MYO16: variants seen among roughly 807,000 people sequenced by gnomAD.
MYO16 encodes the protein myosin XVI, also known as unconventional myosin-XVI.
MYO16 carries 94 observed loss-of-function variants against 205.3 expected under a neutral mutation model. That is an observed-to-expected ratio of 0.46 (90% CI 0.39 to 0.54). The LOEUF is 0.54. Among genes scored for constraint, MYO16 ranks in the 20% least tolerant of loss-of-function variants. The pLI, the probability that MYO16 is intolerant of heterozygous loss-of-function variation, is 0.00. For synonymous variants in MYO16, 988 were observed against 954.0 expected, an observed-to-expected ratio of 1.04 and a Z score of -0.66; for missense variants, 2,315 against 2,387.5, an observed-to-expected ratio of 0.97 and a Z score of 0.63.
At chr13:108,578,167 G>A in the MYO16 span, among the ~76,000 whole-genome samples, 49 of 152,136 alleles carry the variant, frequency 3.2e-4, no homozygotes, top group African/African-American at 1.1e-3. Context: ...ATATTTATTC[G>A]ACACATAAAA....
intron 2 of MYO16, among the ~76,000 whole-genome samples, chr13:108,707,060 G>A (rs80279383): frequency 0.023 from 3,426 of 152,226 alleles, 125 homozygotes; most frequent in African/African-American, 0.079. Flanking sequence ...TCCTGTGAGT[G>A]CATGTGGATC....
chr13:108,898,147 T>C lies in MYO16; in HGVS notation c.1777+14T>C, dbSNP rs370355598. 65 of 1,585,672 alleles carry C rather than the reference T, an allele frequency of 4.1e-5. No homozygotes were observed. The African/African-American group carries it at 8.3e-4, about 20-fold the overall frequency. On this transcript the variant is annotated intron_variant, in intron 15 of 34. Transcript: ENST00000457511. ...AGCTAACCGGAGGTAAGTGCAGTAT[T>C]TGACAACGTGGATTTCCTGTGCCGA...
At chr13:109,192,860 G>C (rs1358032207) in intron 34 of MYO16, among the ~76,000 whole-genome samples, 3 of 152,228 alleles carry the variant, frequency 2.0e-5, no homozygotes, top group East Asian at 1.9e-4. Context: ...ATGACATCCT[G>C]GGTAACCTAA....
At chr13:108,758,069 G>A (rs1885481354) in intron 4 of MYO16, among the ~76,000 whole-genome samples, 1 of 152,068 alleles carries the variant, frequency 6.6e-6, no homozygotes, top group African/African-American at 2.4e-5. Flanking sequence ...GAGCTAGCTG[G>A]CCCCTTCTGC....
intron 1 of MYO16, among the ~76,000 whole-genome samples, chr13:108,630,467 T>C (rs925646957): frequency 6.6e-6 from 1 of 152,220 alleles, no homozygotes; most frequent in African/African-American, 2.4e-5. Flanking sequence ...GGTTCTCTTT[T>C]GGGCTTATCA....
At chr13:109,096,333 G>T (rs556909314) in intron 27 of MYO16, among the ~76,000 whole-genome samples, 1 of 152,190 alleles carries the variant, frequency 6.6e-6, no homozygotes, top group South Asian at 2.1e-4. Flanking sequence ...TGTGTCTCCC[G>T]TGGCGTTTCC....
chr13:108,806,266 G>C (rs1450249348), intron 6 of MYO16, among the ~76,000 whole-genome samples: 1 of 152,136 alleles, frequency 6.6e-6, no homozygotes, highest in East Asian at 1.9e-4. Context: ...CCTGCTTTTA[G>C]TTATTCTTTG....
intron 1 of MYO16, among the ~76,000 whole-genome samples, chr13:108,647,459 G>A (rs557891451): frequency 1.3e-5 from 2 of 152,180 alleles, no homozygotes; most frequent in Non-Finnish European, 1.5e-5. Flanking sequence ...TCTCAGAAAT[G>A]TGGAGATTCC....
At chr13:109,037,346 T>C (rs1331593254) in intron 23 of MYO16, among the ~76,000 whole-genome samples, 1 of 152,164 alleles carries the variant, frequency 6.6e-6, no homozygotes, top group Non-Finnish European at 1.5e-5. Flanking sequence ...CTCTCCTTTC[T>C]AGGGAGACTT....
rs752265978 is a variant in MYO16, at chr13:109,140,490, C to G, written c.4278C>G (p.Asp1426Glu). Reference sequence around the variant, plus strand: ...TGCCCCCGGCGGCGCCTCCGGGTGACGAGGACGACAGCGAGCCTGTGTACA... The same window carrying G: ...TGCCCCCGGCGGCGCCTCCGGGTGAGGAGGACGACAGCGAGCCTGTGTACA... ...CALPPAAPPG[D>E]EDDSEPVYIE... Residue 1426 changes from aspartate to glutamate, a missense_variant, in exon 32 of 35, where the codon GAC (aspartate) becomes GAG (glutamate). By Grantham distance (45) the Asp-to-Glu change is conservative. This residue lies in a region of MYO16 where 1,097 missense variants were observed against 1,092.0 expected (regional missense o/e 1.00). Coordinates refer to ENST00000457511, the MANE Select transcript of MYO16 (RefSeq NM_001198950.3). The surrounding 1 kb of genome is among the most constrained non-coding windows in gnomAD (Gnocchi z 8.0). 1.9e-5 allele frequency: 30 copies of G among 1,544,492 alleles called. No homozygotes were observed. The Admixed American group carries it at 5.3e-4, about 27-fold the overall frequency.
intron 16 of MYO16, among the ~76,000 whole-genome samples, chr13:108,926,160 C>T (rs1288191330): frequency 6.6e-6 from 1 of 152,206 alleles, no homozygotes; most frequent in Non-Finnish European, 1.5e-5. Context: ...GAATGAAATA[C>T]ACTGACGTGT....
intron 12 of MYO16, among the ~76,000 whole-genome samples, chr13:108,873,358 C>G (rs1031245778): frequency 3.3e-5 from 5 of 152,252 alleles, no homozygotes; most frequent in African/African-American, 1.2e-4. Context: ...ATCATTAACT[C>G]TGTTATATTA....
rs1880628923 is a variant in MYO16 at position 109,207,008 on chromosome 13, G to T, written c.*172G>T. 1.1e-5 allele frequency: 5 copies of T among 474,920 alleles called. No individual in the cohort carries two copies. Among genetic ancestry groups the T allele is most frequent in the East Asian group, 8.2e-5 (2 of 24,536 alleles). 29.4% of individuals were successfully genotyped at this position (474,920 alleles called of 1,614,324 possible). On this transcript the variant is annotated 3_prime_UTR_variant, in exon 35 of 35. Coordinates refer to ENST00000457511, the MANE Select transcript of MYO16 (RefSeq NM_001198950.3). ...ATCCCGTGTGTGTGTGTGTGTGTTT[G>T]TGTGTGTGTGTGTGGGTTCTTTCTT...
chr13:108,680,776 A>G (rs1406422304), intron 2 of MYO16, among the ~76,000 whole-genome samples: 1 of 152,160 alleles, frequency 6.6e-6, no homozygotes, highest in Non-Finnish European at 1.5e-5. Flanking sequence ...CAGCCTACAG[A>G]TGGGGAGATG....
chr13:108,989,590 T>A (rs538408348), intron 20 of MYO16, among the ~76,000 whole-genome samples: 1 of 152,300 alleles, frequency 6.6e-6, no homozygotes, highest in Non-Finnish European at 1.5e-5. Context: ...TTTCTTTTTG[T>A]AGTTATAGTA....
chr13:109,190,001 G>C (rs901819334), intron 34 of MYO16, among the ~76,000 whole-genome samples: 1 of 151,946 alleles, frequency 6.6e-6, no homozygotes, highest in African/African-American at 2.4e-5. Context: ...ATCAGTGAGA[G>C]AATTAGACTA....
intron 2 of MYO16, among the ~76,000 whole-genome samples, chr13:108,707,558 T>C (rs1454436739): frequency 2.0e-5 from 3 of 152,144 alleles, no homozygotes; most frequent in Non-Finnish European, 4.4e-5. Flanking sequence ...TCCGGATCCA[T>C]GTAAGGGAGG....
rs542166305 is a variant in MYO16 at position 108,972,414 on chromosome 13, GC to G, written c.2369+7513del. Among the ~76,000 whole-genome samples the G allele has an allele frequency of 6.5e-4, 51 of 78,036 alleles. 1 individual carries two copies. Among genetic ancestry groups the G allele is most frequent in the African/African-American group, 2.6e-3 (49 of 19,016 alleles). The allele number at this position is 78,036 out of a possible 152,430, so 51.2% of individuals were successfully genotyped here. A position where few individuals can be genotyped will look rare whatever the true frequency, so the allele number is the denominator to read the frequency against. ...TATATATATAGTGGCTGGTAAGAAA[GC>G]ATCTTAGTTTATATTAGCTTATTTA... On this transcript the variant is annotated intron_variant, in intron 20 of 34. Transcript: ENST00000457511.
intron 13 of MYO16, among the ~76,000 whole-genome samples, chr13:108,887,044 G>A (rs764944704): frequency 6.6e-6 from 1 of 151,980 alleles, no homozygotes; most frequent in Non-Finnish European, 1.5e-5. Context: ...AGTTGTTAAC[G>A]GATCATTATT....
Sources: allele counts gnomAD v4.1 joint callset (sites outside exome capture counted in the v4.1 genomes callset), GRCh38; gene constraint gnomAD v4.1.1; regional missense constraint gnomAD v4.1.1; non-coding constraint Gnocchi (gnomAD v3.1); transcripts MANE v1.5; gene names NCBI Gene and HGNC (gene_info 2026-07-23, HGNC 2026-07-21).